CTNNA3: variants seen among roughly 807,000 people sequenced by gnomAD.
The protein encoded by CTNNA3 is catenin alpha 3.
In CTNNA3, 76 loss-of-function variants were observed where a neutral mutation model predicts 95.7. The ratio of observed to expected loss-of-function variants is 0.79; its 90% confidence interval spans 0.66 to 0.96. CTNNA3 has a LOEUF of 0.96. Ranked by LOEUF, CTNNA3 falls within the 40% of genes least tolerant of loss-of-function variation. The probability of loss-of-function intolerance (pLI) is 0.00; values close to 1 mark genes in which losing one functional copy is unlikely to be tolerated. For synonymous variants in CTNNA3, 431 were observed against 374.4 expected, an observed-to-expected ratio of 1.15 and a Z score of -1.74; for missense variants, 1,191 against 1,089.8, an observed-to-expected ratio of 1.09 and a Z score of -1.31.
intron 5 of CTNNA3, among the ~76,000 whole-genome samples, chr10:67,266,376 C>T: frequency 6.6e-6 from 1 of 152,020 alleles, no homozygotes; most frequent in South Asian, 2.1e-4. Context: ...CTATTGATTT[C>T]CTTTGGGCAA....
chr10:67,407,063 T>C (rs1311820645), intron 5 of CTNNA3, among the ~76,000 whole-genome samples: 2 of 152,130 alleles, frequency 1.3e-5, no homozygotes, highest in African/African-American at 4.8e-5. Context: ...CCATAACCCA[T>C]TCTATGAGGC....
chr10:66,681,216 G>A (rs1006177545), intron 9 of CTNNA3, among the ~76,000 whole-genome samples: 7 of 152,158 alleles, frequency 4.6e-5, no homozygotes. Context: ...GAGAGAAATT[G>A]TTTCTGGTCC....
chr10:66,963,010 T>C (rs970533095), intron 7 of CTNNA3, among the ~76,000 whole-genome samples: 12 of 152,170 alleles, frequency 7.9e-5, no homozygotes, highest in African/African-American at 2.9e-4. Flanking sequence ...TTTGGAATCT[T>C]ATCTTCCAGG....
rs771473515 is a variant in CTNNA3 at position 65,920,387 on chromosome 10, CT to C, written c.2630del (p.Lys877ArgfsTer10). The C allele has an allele frequency of 6.2e-7, 1 of 1,613,662 alleles. No homozygotes were observed. The highest frequency in any genetic ancestry group is 1.1e-5 in the South Asian group (1 of 91,030). ...TCAAVRRGSAKKKIHPLQVMS... is the reference protein window; with the variant it reads ...TCAAVRRGSAXKKIHPLQVMS... ...TGACTTGCAATGGATGGATTTTTTT[CT>C]TTGCTGAGCCTCGTCTGACAGCTGC... On this transcript the variant is annotated frameshift_variant, in exon 18 of 18. Transcript: ENST00000433211. LOFTEE classifies it high-confidence loss of function.
At chr10:66,785,587 T>C (rs1010198834) in intron 7 of CTNNA3, among the ~76,000 whole-genome samples, 6 of 152,258 alleles carry the variant, frequency 3.9e-5, no homozygotes, top group African/African-American at 1.2e-4. Flanking sequence ...AACCTTGTAC[T>C]AAGCCTTTGG....
intron 11 of CTNNA3, among the ~76,000 whole-genome samples, chr10:66,424,151 T>G (rs1254097603): frequency 6.6e-6 from 1 of 152,140 alleles, no homozygotes; most frequent in Admixed American, 6.6e-5. Flanking sequence ...TGCACTACTT[T>G]ATTTACAGTA....
At chr10:66,916,324 ATCC>A (rs1846494187) in intron 7 of CTNNA3, among the ~76,000 whole-genome samples, 1 of 152,234 alleles carries the variant, frequency 6.6e-6, no homozygotes, top group African/African-American at 2.4e-5. Flanking sequence ...ATGATACTGA[ATCC>A]TCAGTTAAAA....
chr10:66,441,180 A>T (rs1314662230), intron 11 of CTNNA3, among the ~76,000 whole-genome samples: 1 of 151,858 alleles, frequency 6.6e-6, no homozygotes, highest in Non-Finnish European at 1.5e-5. Flanking sequence ...AAAATATTTA[A>T]TCATTTTAAA....
At chr10:66,840,515 G>C (rs2132346951) in intron 7 of CTNNA3, among the ~76,000 whole-genome samples, 1 of 152,016 alleles carries the variant, frequency 6.6e-6, no homozygotes, top group East Asian at 1.9e-4. Context: ...CTCAGCACCT[G>C]ATGTACCTGA....
intron 7 of CTNNA3, among the ~76,000 whole-genome samples, chr10:67,107,839 A>C (rs1009595714): frequency 2.0e-5 from 3 of 152,210 alleles, no homozygotes; most frequent in African/African-American, 7.2e-5. Context: ...ATTTGCAGCA[A>C]GGAAGAGCCT....
At chr10:65,996,357 G>A (rs980582851) in intron 15 of CTNNA3, among the ~76,000 whole-genome samples, 1 of 152,132 alleles carries the variant, frequency 6.6e-6, no homozygotes, top group Non-Finnish European at 1.5e-5. Context: ...ATAACCTGGG[G>A]TGCAAGTTGC....
intron 7 of CTNNA3, among the ~76,000 whole-genome samples, chr10:67,086,171 T>C (rs1857298779): frequency 6.6e-6 from 1 of 152,040 alleles, no homozygotes; most frequent in Non-Finnish European, 1.5e-5. Flanking sequence ...TTTTTTTTCA[T>C]ACTTATGTGG....
At chr10:66,317,093 A>T (rs905560061) in intron 12 of CTNNA3, among the ~76,000 whole-genome samples, 3 of 152,162 alleles carry the variant, frequency 2.0e-5, no homozygotes, top group African/African-American at 7.2e-5. Context: ...CTTATATCAA[A>T]TGTAAGTGAA....
intron 9 of CTNNA3, among the ~76,000 whole-genome samples, chr10:66,725,700 G>A (rs1430183788): frequency 1.3e-5 from 2 of 152,070 alleles, no homozygotes; most frequent in African/African-American, 4.8e-5. Context: ...TGAGCTATAC[G>A]AAGTACATGA....
At chr10:66,039,075 A>G (rs1327441212) in intron 15 of CTNNA3, among the ~76,000 whole-genome samples, 1 of 152,160 alleles carries the variant, frequency 6.6e-6, no homozygotes, top group African/African-American at 2.4e-5. Flanking sequence ...ATGTACAAAA[A>G]TCACTAGCAT....
At chr10:66,170,618 G>A (rs2085369413) in intron 13 of CTNNA3, among the ~76,000 whole-genome samples, 1 of 151,656 alleles carries the variant, frequency 6.6e-6, no homozygotes, top group Admixed American at 6.6e-5. Flanking sequence ...ATCACAAACT[G>A]AGATAGGGCT....
chr10:66,530,556 C>T (rs773280901), intron 10 of CTNNA3, among the ~76,000 whole-genome samples: 8 of 152,080 alleles, frequency 5.3e-5, no homozygotes, highest in Non-Finnish European at 7.4e-5. Flanking sequence ...CTTCAAATTA[C>T]GGCATGTAAT....
intron 7 of CTNNA3, among the ~76,000 whole-genome samples, chr10:67,014,765 T>C (rs772649969): frequency 6.6e-6 from 1 of 151,966 alleles, no homozygotes; most frequent in African/African-American, 2.4e-5. Context: ...CCAAATTCCA[T>C]TTATCAGAAA....
At chr10:67,101,892 A>T (rs1241661556) in intron 7 of CTNNA3, among the ~76,000 whole-genome samples, 2 of 151,822 alleles carry the variant, frequency 1.3e-5, no homozygotes, top group South Asian at 4.1e-4. Context: ...CCAATACCTG[A>T]TGTGAATTGT....
Sources: allele counts gnomAD v4.1 joint callset (sites outside exome capture counted in the v4.1 genomes callset), GRCh38; gene constraint gnomAD v4.1.1; transcripts MANE v1.5; gene names NCBI Gene and HGNC (gene_info 2026-07-23, HGNC 2026-07-21).